Variants in IQCM observed in about 807,000 individuals in gnomAD.
IQCM encodes the protein IQ motif containing M.
A neutral mutation model predicts 57.6 loss-of-function variants in IQCM; 45 were observed. That is an observed-to-expected ratio of 0.78 (90% CI 0.62 to 1.00). IQCM has a LOEUF of 1.00. Among genes scored for constraint, IQCM ranks in the 50% least tolerant of loss-of-function variants. The pLI is 0.00. For missense variants in IQCM, 468 were observed against 511.6 expected (o/e 0.91, Z 0.82); for synonymous variants, 148 against 158.9 (o/e 0.93, Z 0.51).
At chr4:149,739,044 G>A (rs1467410366) in intron 3 of IQCM, among the ~76,000 whole-genome samples, 1 of 152,138 alleles carries the variant, frequency 6.6e-6, no homozygotes, top group African/African-American at 2.4e-5. Context: ...TCATAATGGG[G>A]TAAGAATATA....
At chr4:149,392,150 G>A (rs375078699) in intron 13 of IQCM, among the ~76,000 whole-genome samples, 1 of 150,214 alleles carries the variant, frequency 6.7e-6, no homozygotes, top group East Asian at 2.0e-4. Flanking sequence ...ACATAGTTTG[G>A]GAGTCCATTA....
At chr4:149,664,174 G>T (rs2150160607) in intron 7 of IQCM, among the ~76,000 whole-genome samples, 1 of 151,908 alleles carries the variant, frequency 6.6e-6, no homozygotes, top group East Asian at 1.9e-4. Flanking sequence ...CTCTTTATTG[G>T]ATTTCTTGTT....
chr4:149,688,510 G>A (rs2149792134), intron 5 of IQCM, among the ~76,000 whole-genome samples: 1 of 152,126 alleles, frequency 6.6e-6, no homozygotes, highest in East Asian at 1.9e-4. Context: ...TCAATATTGT[G>A]AAAATGACCA....
chr4:149,480,157 AT>A (rs957355450), intron 12 of IQCM, among the ~76,000 whole-genome samples: 3 of 151,768 alleles, frequency 2.0e-5, no homozygotes, highest in Non-Finnish European at 2.9e-5. Flanking sequence ...CCAATTGTGC[AT>A]TTTTTTTAGT....
At chr4:149,359,178 AT>A (rs1161029954) in intron 13 of IQCM, among the ~76,000 whole-genome samples, 6 of 152,112 alleles carry the variant, frequency 3.9e-5, no homozygotes, top group Non-Finnish European at 7.4e-5. Context: ...CCAAGAACAA[AT>A]AAAAAACCTC....
intron 12 of IQCM, among the ~76,000 whole-genome samples, chr4:149,478,951 T>G (rs562435684): frequency 1.5e-4 from 19 of 126,648 alleles, no homozygotes; most frequent in Non-Finnish European, 3.2e-4. Context: ...GGGAAGGGAC[T>G]GTGTCCTCCC....
chr4:149,655,544 G>T (rs1759563628), intron 7 of IQCM, among the ~76,000 whole-genome samples: 1 of 152,118 alleles, frequency 6.6e-6, no homozygotes, highest in South Asian at 2.1e-4. Context: ...AATGTGAACA[G>T]TGGGGAATCA....
chr4:149,700,075 C>T (rs754320841), intron 5 of IQCM, among the ~76,000 whole-genome samples: 7 of 152,078 alleles, frequency 4.6e-5, no homozygotes, highest in African/African-American at 9.6e-5. Flanking sequence ...CCAAAGAGGA[C>T]GGAGGCATGG....
Position 149,798,194 on chromosome 4 carries a change from G to A in IQCM, c.-49+17117C>T, listed in dbSNP as rs114094495. 4.3e-3 allele frequency among the ~76,000 whole-genome samples: 650 copies of A among 152,096 alleles called. 5 individuals carry two copies. Among genetic ancestry groups the A allele is most frequent in the African/African-American group, 0.015 (618 of 41,552 alleles). On this transcript the variant is annotated intron_variant, in intron 2 of 13. Transcript: ENST00000636793. ...GAAACAAGAAAAAAGTTAAAAAGTA[G>A]GGGGACAAAGTTAAGGCATAGTGTT... is the stretch of plus-strand genomic sequence containing the variant.
intron 2 of IQCM, among the ~76,000 whole-genome samples, chr4:149,759,400 T>C (rs999502677): frequency 6.6e-6 from 1 of 152,156 alleles, no homozygotes; most frequent in African/African-American, 2.4e-5. Context: ...ATGTAAACTA[T>C]GGGTGTTGGG....
intron 12 of IQCM, among the ~76,000 whole-genome samples, chr4:149,507,963 C>T (rs1267954468): frequency 6.6e-6 from 1 of 151,844 alleles, no homozygotes; most frequent in Non-Finnish European, 1.5e-5. Context: ...TGCATTACAG[C>T]TATAACTAAA....
At chr4:149,544,715 G>A (rs1305146822) in intron 12 of IQCM, among the ~76,000 whole-genome samples, 1 of 152,152 alleles carries the variant, frequency 6.6e-6, no homozygotes, top group Non-Finnish European at 1.5e-5. Flanking sequence ...CAATGGAATA[G>A]AATAGAGAGC....
chr4:149,609,098 A>C (rs999001372), intron 8 of IQCM, among the ~76,000 whole-genome samples: 2 of 151,838 alleles, frequency 1.3e-5, no homozygotes, highest in East Asian at 1.9e-4. Flanking sequence ...GGATCATTAG[A>C]GATTATAATT....
intron 2 of IQCM, among the ~76,000 whole-genome samples, chr4:149,813,130 C>T (rs1480301875): frequency 2.6e-5 from 4 of 152,074 alleles, no homozygotes; most frequent in Non-Finnish European, 4.4e-5. Context: ...GTCCTGGCAT[C>T]CCCCAAACAA....
chr4:149,757,739 A>ATGTGTGTG (rs71955935), intron 2 of IQCM, among the ~76,000 whole-genome samples: 31 of 100,240 alleles, frequency 3.1e-4, no homozygotes, highest in Admixed American at 1.4e-3. Context: ...CTGATATTAT[A>ATGTGTGTG]TATGTGTGTG....
At chr4:149,787,854 G>C (rs2150022930) in intron 2 of IQCM, among the ~76,000 whole-genome samples, 1 of 152,236 alleles carries the variant, frequency 6.6e-6, no homozygotes, top group African/African-American at 2.4e-5. Flanking sequence ...AAAGTAAAAA[G>C]CTTCTGCACA....
intron 13 of IQCM, among the ~76,000 whole-genome samples, chr4:149,353,288 G>T (rs570718354): frequency 2.6e-5 from 4 of 152,270 alleles, no homozygotes; most frequent in African/African-American, 9.6e-5. Flanking sequence ...GATAACAAAT[G>T]TTAGCAAGAG....
chr4:149,466,485 T>C (rs1384565219), intron 12 of IQCM, among the ~76,000 whole-genome samples: 4 of 152,086 alleles, frequency 2.6e-5, no homozygotes, highest in Non-Finnish European at 5.9e-5. Flanking sequence ...TCAGGAGAAA[T>C]ATTAAAAAGT....
intron 13 of IQCM, among the ~76,000 whole-genome samples, chr4:149,353,841 C>T (rs999404377): frequency 6.6e-6 from 1 of 152,072 alleles, no homozygotes; most frequent in Non-Finnish European, 1.5e-5. Flanking sequence ...TTAAGATGAA[C>T]AGGTCTAGAG....
Sources: allele counts gnomAD v4.1 joint callset (sites outside exome capture counted in the v4.1 genomes callset), GRCh38; gene constraint gnomAD v4.1.1; transcripts MANE v1.5; gene names NCBI Gene and HGNC (gene_info 2026-07-23, HGNC 2026-07-21).